The following CEMIP variants were observed in gnomAD, a reference collection of about 807,000 sequenced individuals.
CEMIP encodes cell migration inducing hyaluronidase 1, also known as cell migration-inducing and hyaluronan-binding protein.
Under a neutral mutation model 156.9 loss-of-function variants are expected in CEMIP, and 105 were observed. The observed-to-expected ratio is 0.67, with a 90% CI of 0.57 to 0.79. The LOEUF is 0.79. CEMIP is among the 30% of genes least tolerant of loss of function. The pLI is 0.00. For synonymous variants in CEMIP, 676 were observed against 668.4 expected, an observed-to-expected ratio of 1.01 and a Z score of -0.17; for missense variants, 1,457 against 1,769.4, an observed-to-expected ratio of 0.82 and a Z score of 3.17.
intron 19 of CEMIP, among the ~76,000 whole-genome samples, chr15:80,927,350 G>A (rs1900735344): frequency 6.6e-6 from 1 of 152,176 alleles, no homozygotes; most frequent in Non-Finnish European, 1.5e-5. Context: ...TATGGGATAA[G>A]CTGCCAGGCT....
chr15:80,895,162 C>T, intron 11 of CEMIP, 40 bp downstream of exon 11: 1 of 1,613,570 alleles, frequency 6.2e-7, no homozygotes, highest in Non-Finnish European at 8.5e-7. Context: ...GCAACTATGG[C>T]TCGGTTCCTT....
intron 1 of CEMIP, among the ~76,000 whole-genome samples, chr15:80,838,004 C>G (rs1333453982): frequency 1.3e-5 from 2 of 152,246 alleles, no homozygotes; most frequent in Non-Finnish European, 2.9e-5. Context: ...ATTTCCCACT[C>G]TGCCCCTCTG....
chr15:80,883,324 T>C (rs1898726594), intron 6 of CEMIP, among the ~76,000 whole-genome samples: 1 of 152,296 alleles, frequency 6.6e-6, no homozygotes, highest in South Asian at 2.1e-4. Flanking sequence ...TCATGGATAT[T>C]TTACGTGTAT....
At chr15:80,811,763 C>T (rs565720782) in intron 1 of CEMIP, among the ~76,000 whole-genome samples, 1 of 152,150 alleles carries the variant, frequency 6.6e-6, no homozygotes, top group Non-Finnish European at 1.5e-5. Context: ...CACCATGTTG[C>T]CCAGGCTGGT....
At chr15:80,780,154 C>G (rs1811729) in intron 1 of CEMIP, among the ~76,000 whole-genome samples, 69,604 of 152,068 alleles carry the variant, frequency 0.46, 17,864 homozygotes, top group Non-Finnish European at 0.59. Flanking sequence ...GCCTCCGGGA[C>G]AGCGCTAGGC....
At chr15:80,823,235 G>T (rs1244997550) in intron 1 of CEMIP, among the ~76,000 whole-genome samples, 3 of 152,152 alleles carry the variant, frequency 2.0e-5, no homozygotes, top group Non-Finnish European at 4.4e-5. Flanking sequence ...GGTTTTTACA[G>T]ATATTTGTAT....
chr15:80,877,595 C>G (rs1368364700), intron 3 of CEMIP, among the ~76,000 whole-genome samples: 1 of 152,236 alleles, frequency 6.6e-6, no homozygotes, highest in African/African-American at 2.4e-5. Flanking sequence ...CTGTTTCCCT[C>G]TGGATTTTCC....
chr15:80,802,206 A>G (rs566738350), intron 1 of CEMIP, among the ~76,000 whole-genome samples: 1 of 152,378 alleles, frequency 6.6e-6, no homozygotes, highest in African/African-American at 2.4e-5. Flanking sequence ...AGGAGCAGTA[A>G]CAAGGCACAG....
At chr15:80,931,666 ATAAT>A (rs1011010063) in intron 21 of CEMIP, among the ~76,000 whole-genome samples, 189 bp from the exon 22 acceptor site, 8 of 152,282 alleles carry the variant, frequency 5.3e-5, no homozygotes, top group East Asian at 1.9e-4. Flanking sequence ...TAATGAATTA[ATAAT>A]TAATTAATAA....
At chr15:80,873,481 A>G (rs1898362993) in intron 1 of CEMIP, 57 bp from the exon 2 acceptor site, 1 of 289,520 alleles carries the variant, frequency 3.5e-6, no homozygotes, top group African/African-American at 2.2e-5. Context: ...GTGGAATCTA[A>G]TTCCCAGCTC....
At chr15:80,939,409 G>A (rs952523766) in intron 25 of CEMIP, among the ~76,000 whole-genome samples, 4 of 152,226 alleles carry the variant, frequency 2.6e-5, no homozygotes, top group Admixed American at 6.5e-5. Flanking sequence ...AATACCAGAG[G>A]AGGAGGAGTG....
At position 80,845,957 on chromosome 15, in the gene CEMIP, C is replaced by T. The variant is rs533202128; in HGVS notation, c.-175-27581C>T. Among the ~76,000 whole-genome samples, 96 of 152,322 alleles carry T rather than the reference C, an allele frequency of 6.3e-4. 1 individual carries two copies. Among genetic ancestry groups the T allele is most frequent in the Admixed American group, 5.6e-3 (86 of 15,304 alleles). On this transcript the variant is annotated intron_variant, in intron 1 of 29. Coordinates refer to ENST00000394685, the MANE Select transcript of CEMIP (RefSeq NM_001293298.2). ...CCTCCTGACACACCCACCTCAGACA[C>T]TTCAGCCTGTCCCTGTTCTGGGCAC...
intron 23 of CEMIP, 100 bp from the exon 24 acceptor site, chr15:80,936,574 G>C: frequency 9.8e-7 from 1 of 1,020,486 alleles, no homozygotes; most frequent in Admixed American, 1.7e-5. Context: ...AAGAGAAAGT[G>C]CCTTTGAAAG....
chr15:80,796,202 G>A (rs1368490794), intron 1 of CEMIP, among the ~76,000 whole-genome samples: 1 of 152,112 alleles, frequency 6.6e-6, no homozygotes, highest in Non-Finnish European at 1.5e-5. Flanking sequence ...TCAAATTCCT[G>A]GGCCCAAGCG....
chr15:80,889,323 T>C (rs1898957070), intron 9 of CEMIP, 148 bp from the exon 10 acceptor site: 2 of 1,050,058 alleles, frequency 1.9e-6, no homozygotes, highest in Non-Finnish European at 2.9e-6. Context: ...GGCAGATTGA[T>C]TAGAGCCATC....
chr15:80,877,416 G>A (rs1310592294), intron 3 of CEMIP, among the ~76,000 whole-genome samples: 1 of 152,110 alleles, frequency 6.6e-6, no homozygotes, highest in Non-Finnish European at 1.5e-5. Context: ...GCTCTGCCAT[G>A]AGCTTACCTG....
chr15:80,858,392 G>A (rs1027418340), intron 1 of CEMIP, among the ~76,000 whole-genome samples: 1 of 152,098 alleles, frequency 6.6e-6, no homozygotes, highest in Admixed American at 6.5e-5. Context: ...TTAAATAAAC[G>A]CTTTATGAGA....
chr15:80,880,328 G>T (rs1898606257), intron 5 of CEMIP, among the ~76,000 whole-genome samples: 1 of 152,218 alleles, frequency 6.6e-6, no homozygotes, highest in African/African-American at 2.4e-5. Flanking sequence ...ACTTAGAACT[G>T]AATGGAAAAC....
intron 17 of CEMIP, 137 bp downstream of exon 17, chr15:80,922,274 G>A (rs889607921): frequency 1.4e-5 from 17 of 1,199,662 alleles, no homozygotes; most frequent in Non-Finnish European, 2.1e-5. Context: ...GAAGAAAATG[G>A]AGCAGCCTTG....
Sources: gnomAD v4.1 joint callset for allele counts (sites outside exome capture counted in the v4.1 genomes callset) on GRCh38, gnomAD v4.1.1 for gene constraint, MANE v1.5 for transcripts, NCBI Gene and HGNC (gene_info 2026-07-23, HGNC 2026-07-21) for gene names.